CCDC148: variants seen among roughly 807,000 people sequenced by gnomAD.
CCDC148 encodes the protein coiled-coil domain-containing protein 148.
CCDC148 carries 89 observed loss-of-function variants against 85.7 expected under a neutral mutation model. That is an observed-to-expected ratio of 1.04 (90% CI 0.87 to 1.24). The LOEUF is 1.24. Among genes scored for constraint, CCDC148 ranks in the 50% most tolerant of loss-of-function variants. The pLI is 0.00. For missense variants in CCDC148, 692 were observed against 671.7 expected (o/e 1.03, Z -0.33); for synonymous variants, 230 against 213.9 (o/e 1.08, Z -0.66).
At chr2:158,441,956 C>T (rs1468508792) in intron 1 of CCDC148, among the ~76,000 whole-genome samples, 1 of 152,106 alleles carries the variant, frequency 6.6e-6, no homozygotes, top group Non-Finnish European at 1.5e-5. Context: ...AATGGTACTT[C>T]TTAATCAAAA....
intron 7 of CCDC148, among the ~76,000 whole-genome samples, chr2:158,327,428 C>T (rs1692836786): frequency 6.6e-6 from 1 of 152,172 alleles, no homozygotes; most frequent in South Asian, 2.1e-4. Flanking sequence ...AAAGGACCCA[C>T]CTACCACCTC....
chr2:158,361,128 G>A (rs1574693487), intron 1 of CCDC148, among the ~76,000 whole-genome samples: 3 of 151,690 alleles, frequency 2.0e-5, no homozygotes, highest in African/African-American at 4.8e-5. Flanking sequence ...TTAGAGAAAA[G>A]AGAATGAAAA....
intron 1 of CCDC148, among the ~76,000 whole-genome samples, chr2:158,431,011 C>T (rs971424808): frequency 1.3e-5 from 2 of 151,206 alleles, no homozygotes; most frequent in Non-Finnish European, 3.0e-5. Flanking sequence ...CTTAAAGACA[C>T]AACAATAGAA....
At chr2:158,339,395 C>T (rs571613175) in intron 5 of CCDC148, among the ~76,000 whole-genome samples, 51 of 152,246 alleles carry the variant, frequency 3.3e-4, no homozygotes, top group African/African-American at 1.2e-3. Context: ...TCACCCCTTC[C>T]TTCCCTTGCA....
chr2:158,371,134 C>G (rs371968618), intron 1 of CCDC148, among the ~76,000 whole-genome samples: 2 of 151,888 alleles, frequency 1.3e-5, no homozygotes, highest in African/African-American at 4.8e-5. Context: ...GCCTATTTTA[C>G]CAATTAAAAA....
At chr2:158,289,862 C>T (rs1690805539) in intron 9 of CCDC148, among the ~76,000 whole-genome samples, 2 of 152,172 alleles carry the variant, frequency 1.3e-5, no homozygotes, top group Admixed American at 1.3e-4. Flanking sequence ...AATGGCCACA[C>T]ATAACAAAAT....
intron 2 of CCDC148, among the ~76,000 whole-genome samples, chr2:158,346,059 C>G (rs1483401033): frequency 6.6e-6 from 1 of 152,060 alleles, no homozygotes; most frequent in Non-Finnish European, 1.5e-5. Flanking sequence ...CTCAATTTTA[C>G]TACTTTTTAA....
chr2:158,342,285 C>G (rs936751889), intron 3 of CCDC148, among the ~76,000 whole-genome samples: 3 of 151,970 alleles, frequency 2.0e-5, no homozygotes, highest in Non-Finnish European at 4.4e-5. Context: ...CTGCCTTGGC[C>G]TCCCAAAGTG....
chr2:158,184,798 A>C (rs550663745), intron 11 of CCDC148, among the ~76,000 whole-genome samples: 1 of 152,284 alleles, frequency 6.6e-6, no homozygotes, highest in African/African-American at 2.4e-5. Context: ...ATGAGCGTAC[A>C]TCAAAATCAC....
intron 1 of CCDC148, among the ~76,000 whole-genome samples, chr2:158,392,890 A>G (rs892293030): frequency 4.6e-5 from 7 of 152,104 alleles, no homozygotes; most frequent in African/African-American, 1.7e-4. Context: ...GCACACAACC[A>G]CATGCCATGC....
At chr2:158,219,263 A>T (rs1389186315) in intron 11 of CCDC148, among the ~76,000 whole-genome samples, 1 of 152,222 alleles carries the variant, frequency 6.6e-6, no homozygotes, top group Non-Finnish European at 1.5e-5. Context: ...TTATGTTATG[A>T]AATGAGAGCT....
At chr2:158,224,667 G>T (rs1039065009) in intron 10 of CCDC148, among the ~76,000 whole-genome samples, 2 of 152,188 alleles carry the variant, frequency 1.3e-5, no homozygotes. Context: ...TTAAAGAAAA[G>T]AATTTTCAAA....
Position 158,371,701 on chromosome 2 carries a change from A to T in CCDC148, c.26-13131T>A, listed in dbSNP as rs150055154. Among the ~76,000 whole-genome samples the T allele has an allele frequency of 4.9e-3, 706 of 145,452 alleles. 1 individual carries two copies. The highest frequency in any genetic ancestry group is 0.017 in the African/African-American group (644 of 37,830). On this transcript the variant is annotated intron_variant, in intron 1 of 13. Coordinates refer to ENST00000283233, the MANE Select transcript of CCDC148 (RefSeq NM_138803.4). ...ATATATATATACACACGTGCCTTTA[A>T]TGACTGAAAATGGCATGTATACATA...
intron 2 of CCDC148, among the ~76,000 whole-genome samples, chr2:158,351,531 G>A (rs767106417): frequency 6.6e-6 from 1 of 152,104 alleles, no homozygotes; most frequent in African/African-American, 2.4e-5. Flanking sequence ...CTTAAAAACC[G>A]GCGCATCACG....
rs147227807 is a variant in CCDC148 at position 158,340,645 on chromosome 2, T to C, written c.287A>G (p.Asn96Ser). Residue 96 changes from asparagine (N) to serine (S), a missense_variant, in exon 4 of 14, where the codon AAT becomes AGT. Asn to Ser is a conservative substitution (Grantham distance 46). Transcript: ENST00000283233. The stretch of plus-strand genomic sequence containing the variant: ...ACATTCATTTCCAATGTTCTCTTCA[T>C]TGAGAAGGGATTTTATTTCAGATTC... ...KMESEIKSLL[N>S]EENIGNECLC... 1.1e-5 allele frequency: 17 copies of C among 1,588,936 alleles called. No homozygotes were observed. In the African/African-American group the frequency reaches 1.2e-4, roughly 11 times the overall value.
rs532910646 is a variant in CCDC148, at chr2:158,378,521, A to G, written c.26-19951T>C. On this transcript the variant is annotated intron_variant, in intron 1 of 13. Coordinates refer to ENST00000283233, the MANE Select transcript of CCDC148 (RefSeq NM_138803.4). ...TAGCTACACTAAACAATAGATTTTC[A>G]GAGTGGATGAAACAACCTTATGCTG... Among the ~76,000 whole-genome samples the G allele has an allele frequency of 2.0e-5, 3 of 152,328 alleles. No individual in the cohort carries two copies. In the South Asian group the frequency reaches 6.2e-4, roughly 32 times the overall value.
chr2:158,302,261 A>G (rs902928171), intron 9 of CCDC148, among the ~76,000 whole-genome samples: 8 of 152,152 alleles, frequency 5.3e-5, no homozygotes, highest in South Asian at 2.1e-4. Context: ...TTTTCTTGCT[A>G]AAGTAGGAGG....
intron 11 of CCDC148, among the ~76,000 whole-genome samples, chr2:158,198,449 C>T (rs1455536641): frequency 6.6e-6 from 1 of 152,120 alleles, no homozygotes; most frequent in African/African-American, 2.4e-5. Flanking sequence ...CAACTCTGCA[C>T]CTTTGAAGTT....
rs201005050 is a variant in CCDC148, at chr2:158,286,135, A to C, written c.1110+23298T>G. Among the ~76,000 whole-genome samples, 3 of 152,078 alleles carry C rather than the reference A, an allele frequency of 2.0e-5. No individual in the cohort carries two copies. In the East Asian group the frequency reaches 5.8e-4, roughly 29 times the overall value. On this transcript the variant is annotated intron_variant, in intron 9 of 13. Coordinates refer to ENST00000283233, the MANE Select transcript of CCDC148 (RefSeq NM_138803.4). Reference sequence around the variant, plus strand: ...CAAGGTTGCTTATAAAATCAATATAAATTATATTTTTATGTTCTAGAAAAA... The same window carrying C: ...CAAGGTTGCTTATAAAATCAATATACATTATATTTTTATGTTCTAGAAAAA...
Sources: allele counts gnomAD v4.1 joint callset (sites outside exome capture counted in the v4.1 genomes callset), GRCh38; gene constraint gnomAD v4.1.1; transcripts MANE v1.5; gene names NCBI Gene and HGNC (gene_info 2026-07-23, HGNC 2026-07-21).